Variants in CMIP observed in about 807,000 individuals in gnomAD.
The protein encoded by CMIP is C-Maf-inducing protein.
A neutral mutation model predicts 97.3 loss-of-function variants in CMIP; 13 were observed. The observed-to-expected ratio is 0.13, with a 90% CI of 0.09 to 0.21. The LOEUF (loss-of-function observed/expected upper bound fraction) is 0.21, where lower values mean the gene tolerates loss of function less well. Among genes scored for constraint, CMIP ranks in the 10% least tolerant of loss-of-function variants. The pLI, the probability that CMIP is intolerant of heterozygous loss-of-function variation, is 1.00. For synonymous variants in CMIP, 538 were observed against 436.3 expected, an observed-to-expected ratio of 1.23 and a Z score of -2.91; for missense variants, 847 against 1,024.9, an observed-to-expected ratio of 0.83 and a Z score of 2.37.
chr16:81,641,367 A>G (rs1408357068), intron 3 of CMIP, among the ~76,000 whole-genome samples: 4 of 151,818 alleles, frequency 2.6e-5, no homozygotes, highest in Non-Finnish European at 4.4e-5. Context: ...ATGAGATGTC[A>G]TCCCTGCTCC....
intron 1 of CMIP, among the ~76,000 whole-genome samples, chr16:81,472,530 G>T (rs1378544080): frequency 6.6e-6 from 1 of 152,240 alleles, no homozygotes; most frequent in Non-Finnish European, 1.5e-5. Flanking sequence ...TTGAGTGTCA[G>T]CTACATGCCA....
intron 1 of CMIP, among the ~76,000 whole-genome samples, chr16:81,457,271 G>A (rs1906610952): frequency 6.6e-6 from 1 of 152,032 alleles, no homozygotes; most frequent in South Asian, 2.1e-4. Context: ...TGGGCAGCCA[G>A]GTCGCCTTTG....
intron 1 of CMIP, among the ~76,000 whole-genome samples, chr16:81,538,822 G>GT (rs146269222): frequency 0.052 from 7,925 of 151,170 alleles, 245 homozygotes; most frequent in Middle Eastern, 0.089. Flanking sequence ...TGATTATCAG[G>GT]TTTTTTTTTC....
intron 1 of CMIP, among the ~76,000 whole-genome samples, chr16:81,566,592 G>T (rs1284177073): frequency 6.6e-6 from 1 of 152,180 alleles, no homozygotes. Context: ...CCAGGTCTTG[G>T]CAGGGGTCTA....
chr16:81,572,983 A>G (rs978277266), intron 1 of CMIP, among the ~76,000 whole-genome samples: 1 of 152,218 alleles, frequency 6.6e-6, no homozygotes, highest in East Asian at 1.9e-4. Flanking sequence ...AGAAATGTAG[A>G]TAACCAATAA....
intron 1 of CMIP, among the ~76,000 whole-genome samples, chr16:81,576,355 G>C (rs572230473): frequency 2.0e-5 from 3 of 152,210 alleles, no homozygotes; most frequent in East Asian, 3.9e-4. Flanking sequence ...AGTGAGCTGA[G>C]ATCACGTCAC....
intron 1 of CMIP, among the ~76,000 whole-genome samples, chr16:81,446,690 G>A (rs1156592791): frequency 6.6e-6 from 1 of 152,150 alleles, no homozygotes; most frequent in African/African-American, 2.4e-5. Context: ...AGGAAATAGG[G>A]TGTCGCTTAC....
chr16:81,626,420 G>A (rs1011809151), intron 3 of CMIP, among the ~76,000 whole-genome samples: 3 of 149,886 alleles, frequency 2.0e-5, no homozygotes, highest in Admixed American at 6.7e-5. Context: ...GACTATGAGT[G>A]TGTGTGGGGT....
Position 81,627,224 on chromosome 16 carries a change from T to A in CMIP, c.477+6298T>A. Among the ~76,000 whole-genome samples, 1 of 146,024 alleles carries A rather than the reference T, an allele frequency of 6.8e-6. No individual in the cohort carries two copies. Among genetic ancestry groups the A allele is most frequent in the South Asian group, 2.1e-4 (1 of 4,654 alleles). On this transcript the variant is annotated intron_variant, in intron 3 of 20. Coordinates refer to ENST00000537098, the MANE Select transcript of CMIP (RefSeq NM_198390.3). The surrounding 1 kb of genome is among the most constrained non-coding windows in gnomAD (Gnocchi z 4.6). ...TGTGTGGCATGTGGGATGACTGTTT[T>A]ATGTGTGTGTGAGTGTGTGTGTGGC...
intron 1 of CMIP, among the ~76,000 whole-genome samples, chr16:81,585,541 C>T (rs1648134139): frequency 6.6e-6 from 1 of 152,162 alleles, no homozygotes; most frequent in Non-Finnish European, 1.5e-5. Context: ...CTATTCTGGA[C>T]ATTTCATATA....
chr16:81,590,359 A>T (rs1177939845), intron 1 of CMIP, among the ~76,000 whole-genome samples: 1 of 152,158 alleles, frequency 6.6e-6, no homozygotes, highest in Non-Finnish European at 1.5e-5. Flanking sequence ...GAGGGTGTCC[A>T]AAGGAGGCTT....
intron 1 of CMIP, among the ~76,000 whole-genome samples, chr16:81,564,370 CAT>C (rs1323686485): frequency 1.3e-5 from 2 of 152,204 alleles, no homozygotes; most frequent in African/African-American, 2.4e-5. Flanking sequence ...TTTAAAAGTA[CAT>C]ATGTGTCTTT....
chr16:81,509,870 G>C (rs1438234628), intron 1 of CMIP, among the ~76,000 whole-genome samples: 1 of 152,184 alleles, frequency 6.6e-6, no homozygotes, highest in African/African-American at 2.4e-5. Context: ...TGGTGGGCAG[G>C]AGCATGGAAG....
intron 1 of CMIP, among the ~76,000 whole-genome samples, chr16:81,588,466 C>T (rs1007969074): frequency 1.3e-5 from 2 of 152,136 alleles, no homozygotes; most frequent in African/African-American, 4.8e-5. Context: ...CCATTGACCT[C>T]GTTTACGGGC....
At chr16:81,450,228 G>T (rs763312280) in intron 1 of CMIP, among the ~76,000 whole-genome samples, 2 of 152,232 alleles carry the variant, frequency 1.3e-5, no homozygotes, top group Non-Finnish European at 2.9e-5. Flanking sequence ...TGTTGGCATG[G>T]ACATTGCAGG....
intron 3 of CMIP, among the ~76,000 whole-genome samples, chr16:81,634,787 C>T (rs1184540579): frequency 6.6e-6 from 1 of 152,100 alleles, no homozygotes; most frequent in African/African-American, 2.4e-5. Context: ...TGACTCCCAC[C>T]CAGAGGATGC....
intron 3 of CMIP, among the ~76,000 whole-genome samples, chr16:81,626,708 G>A (rs923255454): frequency 1.4e-5 from 2 of 147,394 alleles, no homozygotes; most frequent in Non-Finnish European, 3.0e-5. Flanking sequence ...ATTTGTATGA[G>A]GGTGTGTGGT....
intron 1 of CMIP, among the ~76,000 whole-genome samples, chr16:81,500,855 C>T (rs936481242): frequency 6.6e-6 from 1 of 152,068 alleles, no homozygotes; most frequent in African/African-American, 2.4e-5. Flanking sequence ...TCTTTCTTTC[C>T]TTCCTTCTTT....
chr16:81,653,359 C>T (rs1472801171), intron 4 of CMIP, among the ~76,000 whole-genome samples: 4 of 152,186 alleles, frequency 2.6e-5, no homozygotes, highest in Non-Finnish European at 5.9e-5. Flanking sequence ...GGCCTGGCAC[C>T]GGCCCTCCGT....
Sources: gnomAD v4.1 joint callset for allele counts (sites outside exome capture counted in the v4.1 genomes callset) on GRCh38, gnomAD v4.1.1 for gene constraint, Gnocchi (gnomAD v3.1) non-coding constraint, MANE v1.5 for transcripts, NCBI Gene and HGNC (gene_info 2026-07-23, HGNC 2026-07-21) for gene names.